Variants in MYO16 observed in about 807,000 individuals in gnomAD.
MYO16 encodes the protein myosin XVI, also known as unconventional myosin-XVI.
MYO16 carries 94 observed loss-of-function variants against 205.3 expected under a neutral mutation model. The ratio of observed to expected loss-of-function variants is 0.46; its 90% CI spans 0.39 to 0.54. The LOEUF is 0.54. Among genes scored for constraint, MYO16 ranks in the 20% least tolerant of loss-of-function variants. MYO16 has a pLI of 0.00. For synonymous variants in MYO16, 988 were observed against 954.0 expected (o/e 1.04, Z -0.66); for missense variants, 2,315 against 2,387.5 (o/e 0.97, Z 0.63).
intron 29 of MYO16, among the ~76,000 whole-genome samples, chr13:109,123,192 G>T (rs1448366432): frequency 3.3e-5 from 5 of 152,176 alleles, no homozygotes; most frequent in Non-Finnish European, 4.4e-5. Flanking sequence ...CCTTATTGAA[G>T]ATATCAATAT....
chr13:108,983,869 C>T (rs1884536993), intron 20 of MYO16, among the ~76,000 whole-genome samples: 1 of 152,084 alleles, frequency 6.6e-6, no homozygotes, highest in South Asian at 2.1e-4. Flanking sequence ...GTTGAGTCCT[C>T]CCTCACCTCT....
At position 109,141,220 on chromosome 13, in the gene MYO16, A is replaced by T. The variant is rs768332507; in HGVS notation, c.5008A>T (p.Arg1670Trp). ...SPVKATRADA[R>W]KAGSSASPPA... ...CGTGAAGGCCACCAGGGCGGACGCC[A>T]GGAAGGCCGGCTCCAGTGCCTCGCC... Residue 1670 changes from arginine to tryptophan, a missense_variant, in exon 32 of 35, where the codon AGG becomes TGG. Transcript: ENST00000457511. This position sits in a 1 kb window ranked among gnomAD's most constrained non-coding sequence, Gnocchi z 4.1. 1.0e-5 allele frequency: 16 copies of T among 1,606,774 alleles called. No homozygotes were observed. Among genetic ancestry groups the T allele is most frequent in the Non-Finnish European group, 1.4e-5 (16 of 1,176,686 alleles).
At chr13:108,528,611 C>CTT in the MYO16 span, among the ~76,000 whole-genome samples, 3 of 6,154 alleles carry the variant, frequency 4.9e-4, no homozygotes, top group Admixed American at 1.8e-3. Context: ...CTCTCCTCTC[C>CTT]TCCCCTCCCC....
At chr13:109,006,507 T>C (rs1178520119) in intron 21 of MYO16, among the ~76,000 whole-genome samples, 4 of 152,204 alleles carry the variant, frequency 2.6e-5, no homozygotes, top group Non-Finnish European at 5.9e-5. Flanking sequence ...CCCAAAGTGC[T>C]GGGGTTACAG....
chr13:108,918,757 G>A (rs1428350668), intron 16 of MYO16, among the ~76,000 whole-genome samples: 1 of 152,140 alleles, frequency 6.6e-6, no homozygotes, highest in African/African-American at 2.4e-5. Context: ...TGGCCAACAT[G>A]GTGAAACCCC....
intron 28 of MYO16, among the ~76,000 whole-genome samples, chr13:109,119,277 G>T (rs771947227): frequency 6.6e-6 from 1 of 152,212 alleles, no homozygotes; most frequent in African/African-American, 2.4e-5. Flanking sequence ...AGGCTAGGGG[G>T]TGTTATCATT....
intron 33 of MYO16, among the ~76,000 whole-genome samples, chr13:109,175,857 C>T (rs796667130): frequency 1.1e-4 from 16 of 151,894 alleles, no homozygotes; most frequent in African/African-American, 3.6e-4. Flanking sequence ...TAAAATGCGC[C>T]GTGGGATTCT....
At chr13:108,951,429 G>A (rs1883145961) in intron 16 of MYO16, among the ~76,000 whole-genome samples, 1 of 152,168 alleles carries the variant, frequency 6.6e-6, no homozygotes, top group Admixed American at 6.5e-5. Context: ...ACACTGTGAG[G>A]GCAAAGGCTG....
intron 3 of MYO16, among the ~76,000 whole-genome samples, chr13:108,725,600 A>G (rs1264539864): frequency 2.6e-5 from 4 of 152,144 alleles, no homozygotes; most frequent in African/African-American, 9.7e-5. Context: ...GTTGGCAGGA[A>G]CAGGCACCGT....
At chr13:109,201,806 A>G (rs1880405997) in intron 34 of MYO16, among the ~76,000 whole-genome samples, 1 of 151,964 alleles carries the variant, frequency 6.6e-6, no homozygotes, top group African/African-American at 2.4e-5. Context: ...ATGCCTTTGC[A>G]TCCTCATAGC....
At chr13:108,732,907 G>A (rs891457901) in intron 4 of MYO16, among the ~76,000 whole-genome samples, 2 of 152,182 alleles carry the variant, frequency 1.3e-5, no homozygotes, top group African/African-American at 4.8e-5. Flanking sequence ...AGAGAAAGGA[G>A]TCACAGATGA....
chr13:108,899,876 GAATCT>G (rs1179945958), intron 15 of MYO16, among the ~76,000 whole-genome samples: 22 of 152,342 alleles, frequency 1.4e-4, no homozygotes, highest in African/African-American at 5.3e-4. Context: ...TATAGATGCA[GAATCT>G]GAGGCCATAC....
rs1877060589 is a variant in MYO16, at chr13:109,141,059, C to A, written c.4847C>A (p.Ala1616Asp). The A allele has an allele frequency of 2.1e-6, 3 of 1,425,570 alleles. No individual in the cohort carries two copies. The South Asian group carries it at 4.6e-5, about 22-fold the overall frequency. The allele number at this position is 1,425,570 out of a possible 1,614,324, so 88.3% of individuals were successfully genotyped here. ...PAPYRPCAHL[A>D]FPPEPAPVNA... ...CCCTACAGGCCCTGCGCGCACTTGG[C>A]CTTCCCGCCGGAGCCCGCCCCGGTG... Residue 1616 changes from alanine (A) to aspartate (D), a missense_variant, in exon 32 of 35, where the codon GCC (alanine) becomes GAC (aspartate). By Grantham distance (126) the Ala-to-Asp change is moderately radical. Coordinates refer to ENST00000457511, the MANE Select transcript of MYO16 (RefSeq NM_001198950.3). The surrounding 1 kb of genome is among the most constrained non-coding windows in gnomAD (Gnocchi z 4.1).
At chr13:108,807,831 A>C (rs905543619) in intron 7 of MYO16, among the ~76,000 whole-genome samples, 3 of 152,236 alleles carry the variant, frequency 2.0e-5, no homozygotes, top group Non-Finnish European at 4.4e-5. Context: ...TTCTAAAAAT[A>C]CTAATTTCTT....
chr13:108,720,533 G>A lies in MYO16; in HGVS notation c.364-6907G>A, dbSNP rs139855610. On this transcript the variant is annotated intron_variant, in intron 3 of 34. Transcript: ENST00000457511. ...ATCTCACTCAAATTGTGCACCTCAC[G>A]TCACTTCTTCTTCCCCCATAGCTAC... Among the ~76,000 whole-genome samples the A allele has an allele frequency of 5.9e-5, 9 of 152,258 alleles. No homozygotes were observed. The East Asian group carries it at 1.4e-3, about 23-fold the overall frequency.
In MYO16 at chr13:108,888,482, GT is replaced by G; in HGVS notation, c.1659+11del. The G allele has an allele frequency of 6.3e-7, 1 of 1,587,636 alleles. No individual in the cohort carries two copies. The highest frequency in any genetic ancestry group is 8.6e-7 in the Non-Finnish European group (1 of 1,168,980). ...CTGGATTCCAGATTCAAACATGTAA[GT>G]TTTTTGTTTGGGTTGGCAAATATGT... On this transcript the variant is annotated splice_donor_region_variant and intron_variant, in intron 14 of 34. Coordinates refer to ENST00000457511, the MANE Select transcript of MYO16 (RefSeq NM_001198950.3).
intron 21 of MYO16, among the ~76,000 whole-genome samples, chr13:109,005,116 AGAG>A (rs1026142121): frequency 6.6e-6 from 1 of 152,208 alleles, no homozygotes; most frequent in African/African-American, 2.4e-5. Context: ...CAGTAACCAC[AGAG>A]GGAATGCTGG....
At chr13:108,769,282 A>T (rs1471809345) in intron 4 of MYO16, among the ~76,000 whole-genome samples, 1 of 152,196 alleles carries the variant, frequency 6.6e-6, no homozygotes, top group South Asian at 2.1e-4. Flanking sequence ...TGGCACCAGG[A>T]TGGGCCAGAG....
intron 2 of MYO16, among the ~76,000 whole-genome samples, chr13:108,673,593 C>G (rs1882083308): frequency 1.3e-5 from 2 of 151,994 alleles, no homozygotes; most frequent in South Asian, 4.1e-4. Flanking sequence ...TTTTCTTCTC[C>G]TACTCCTCAG....
Sources: gnomAD v4.1 joint callset for allele counts (sites outside exome capture counted in the v4.1 genomes callset) on GRCh38, gnomAD v4.1.1 for gene constraint, Gnocchi (gnomAD v3.1) non-coding constraint, MANE v1.5 for transcripts, NCBI Gene and HGNC (gene_info 2026-07-23, HGNC 2026-07-21) for gene names.